The following TMCO4 variants were observed in gnomAD, a reference collection of about 807,000 sequenced individuals.
TMCO4 encodes transmembrane and coiled-coil domain-containing protein 4.
TMCO4 carries 58 observed loss-of-function variants against 64.7 expected under a neutral mutation model. The observed-to-expected ratio is 0.90, with a 90% CI of 0.73 to 1.12. The LOEUF (loss-of-function observed/expected upper bound fraction) is 1.12. TMCO4 is among the 50% of genes most tolerant of loss of function. The pLI, the probability that TMCO4 is intolerant of heterozygous loss-of-function variation, is 0.00. For missense variants in TMCO4, 780 were observed against 825.9 expected (o/e 0.94, Z 0.68); for synonymous variants, 325 against 346.1 (o/e 0.94, Z 0.68).
At chr1:19,716,169 T>TTATTATTAC (rs2095355086) in intron 13 of TMCO4, among the ~76,000 whole-genome samples, 2 of 124,334 alleles carry the variant, frequency 1.6e-5, no homozygotes, top group Non-Finnish European at 3.7e-5. Flanking sequence ...TTTTATTTTA[T>TTATTATTAC]TATTATTATT....
chr1:19,774,283 T>C (rs150008340), intron 4 of TMCO4, among the ~76,000 whole-genome samples: 6 of 152,294 alleles, frequency 3.9e-5, no homozygotes, highest in Admixed American at 2.6e-4. Flanking sequence ...GTTTTGGATA[T>C]GGAGAAGCAA....
At chr1:19,745,117 T>C (rs1405323321) in intron 10 of TMCO4, among the ~76,000 whole-genome samples, 4 of 149,390 alleles carry the variant, frequency 2.7e-5, no homozygotes, top group East Asian at 4.0e-4. Context: ...CATGGATAGA[T>C]AGGTAGAAGT....
chr1:19,761,791 C>G (rs563735743), intron 6 of TMCO4, among the ~76,000 whole-genome samples: 6 of 152,360 alleles, frequency 3.9e-5, no homozygotes, highest in African/African-American at 1.4e-4. Flanking sequence ...CCCCAGGAAA[C>G]AGAGCAGTGG....
intron 15 of TMCO4, among the ~76,000 whole-genome samples, chr1:19,687,108 C>T (rs2095155397): frequency 6.6e-6 from 1 of 152,128 alleles, no homozygotes; most frequent in Admixed American, 6.6e-5. Flanking sequence ...TGCACCACCA[C>T]ACCTGGCTAA....
chr1:19,736,607 C>T (rs1165973651), intron 13 of TMCO4, among the ~76,000 whole-genome samples: 1 of 152,204 alleles, frequency 6.6e-6, no homozygotes, highest in Non-Finnish European at 1.5e-5. Context: ...CAACCAGCCC[C>T]TCCACAGGCA....
chr1:19,754,123 T>C (rs918144845), intron 7 of TMCO4, among the ~76,000 whole-genome samples: 15 of 152,190 alleles, frequency 9.9e-5, no homozygotes, highest in African/African-American at 3.6e-4. Context: ...TTCACATGGC[T>C]GGTAAGTGGC....
intron 15 of TMCO4, among the ~76,000 whole-genome samples, chr1:19,688,227 C>T (rs1219378451): frequency 1.3e-5 from 2 of 152,114 alleles, no homozygotes; most frequent in Admixed American, 6.5e-5. Flanking sequence ...CATGAGGTTG[C>T]GTTCCCTGAT....
At chr1:19,723,297 G>A (rs1056239203) in intron 13 of TMCO4, among the ~76,000 whole-genome samples, 13 of 152,164 alleles carry the variant, frequency 8.5e-5, no homozygotes, top group African/African-American at 3.1e-4. Context: ...TTTTGGATTT[G>A]GGATGCCCAA....
At chr1:19,689,438 G>C (rs1430956368) in intron 15 of TMCO4, among the ~76,000 whole-genome samples, 1 of 152,174 alleles carries the variant, frequency 6.6e-6, no homozygotes, top group African/African-American at 2.4e-5. Context: ...GGAGGGACTA[G>C]GATTAAAGGA....
chr1:19,777,026 C>CAAAAAAAAAAAAAAAAAA (rs59722797), intron 4 of TMCO4, among the ~76,000 whole-genome samples: 1 of 82,782 alleles, frequency 1.2e-5, no homozygotes, highest in Non-Finnish European at 2.3e-5. Flanking sequence ...GACACTGTCT[C>CAAAAAAAAAAAAAAAAAA]AAAAAAAAAA....
intron 3 of TMCO4, among the ~76,000 whole-genome samples, chr1:19,781,925 C>T (rs920316636): frequency 4.6e-5 from 7 of 152,240 alleles, no homozygotes; most frequent in Non-Finnish European, 1.0e-4. Context: ...GGATTACAGG[C>T]ATGAGCCACC....
intron 15 of TMCO4, among the ~76,000 whole-genome samples, chr1:19,692,733 G>C (rs1409494190): frequency 6.6e-6 from 1 of 151,348 alleles, no homozygotes; most frequent in African/African-American, 2.4e-5. Flanking sequence ...GGCAACAGGA[G>C]TGAAACTCCA....
intron 15 of TMCO4, among the ~76,000 whole-genome samples, chr1:19,687,709 C>A (rs890243350): frequency 6.6e-6 from 1 of 152,156 alleles, no homozygotes; most frequent in East Asian, 1.9e-4. Context: ...CTCCCTATAC[C>A]TTTTTAATGT....
intron 13 of TMCO4, among the ~76,000 whole-genome samples, chr1:19,721,064 T>G (rs1299647596): frequency 6.6e-6 from 1 of 152,214 alleles, no homozygotes. Context: ...CTCTCCAACC[T>G]CAGAGGAATG....
At chr1:19,686,974 C>T (rs1474530270) in intron 15 of TMCO4, among the ~76,000 whole-genome samples, 4 of 149,640 alleles carry the variant, frequency 2.7e-5, no homozygotes, top group Non-Finnish European at 4.4e-5. Context: ...TTTTTTGAGA[C>T]GGAGTCTTGC....
In TMCO4 at chr1:19,747,164, G is replaced by A. The variant is rs139214554; in HGVS notation, c.612C>T (p.Ile204=). ...GLATVGGGTV[I]GVTGGLAAPL... is the part of the protein sequence containing the mutation. ...GCCACCATCTCTAGCTGGACTCACC[G>A]ATCACCGTTCCGCCTCCGACAGTCG... Residue 204 remains isoleucine (I), a splice_region_variant and synonymous_variant, in exon 8 of 16, where the codon ATC becomes ATT. Coordinates refer to ENST00000294543, the MANE Select transcript of TMCO4 (RefSeq NM_181719.7). 12 of 1,613,570 alleles carry A rather than the reference G, an allele frequency of 7.4e-6. No homozygotes were observed. Among genetic ancestry groups the A allele is most frequent in the South Asian group, 2.2e-5 (2 of 91,050 alleles).
chr1:19,706,972 G>T (rs1198614956), intron 13 of TMCO4, among the ~76,000 whole-genome samples: 1 of 152,168 alleles, frequency 6.6e-6, no homozygotes, highest in African/African-American at 2.4e-5. Flanking sequence ...ATTTAAAATG[G>T]GTGGGTCTTG....
intron 15 of TMCO4, among the ~76,000 whole-genome samples, chr1:19,686,002 C>T (rs2095146535): frequency 6.6e-6 from 1 of 152,244 alleles, no homozygotes; most frequent in Middle Eastern, 3.4e-3. Context: ...GCTGGGATTA[C>T]AGGCGTGAGC....
At chr1:19,745,169 T>G (rs981921819) in intron 10 of TMCO4, among the ~76,000 whole-genome samples, 2 of 149,934 alleles carry the variant, frequency 1.3e-5, no homozygotes, top group Non-Finnish European at 3.0e-5. Flanking sequence ...GACAGGTGAG[T>G]GGGTGGACAG....
Sources: allele counts gnomAD v4.1 joint callset (sites outside exome capture counted in the v4.1 genomes callset), GRCh38; gene constraint gnomAD v4.1.1; transcripts MANE v1.5; gene names NCBI Gene and HGNC (gene_info 2026-07-23, HGNC 2026-07-21).